Variants in DLGAP4 observed in about 807,000 individuals in gnomAD.
DLGAP4 encodes the protein DLG associated protein 4.
In DLGAP4, 18 loss-of-function variants were observed where a neutral mutation model predicts 86.9. The observed-to-expected ratio is 0.21, with a 90% CI of 0.14 to 0.31. The LOEUF (loss-of-function observed/expected upper bound fraction) is 0.31. DLGAP4 is among the 10% of genes least tolerant of loss of function. The pLI is 1.00. For synonymous variants in DLGAP4, 548 were observed against 574.3 expected (o/e 0.95, Z 0.65); for missense variants, 1,085 against 1,362.6 (o/e 0.80, Z 3.21).
chr20:36,454,616 A>G (rs796376900), intron 7 of DLGAP4, among the ~76,000 whole-genome samples: 14 of 152,236 alleles, frequency 9.2e-5, no homozygotes, highest in African/African-American at 3.4e-4. Flanking sequence ...ACTCCTCAGC[A>G]TCTGTCTCCA....
At chr20:36,358,419 G>A (rs6072001) in intron 1 of DLGAP4, among the ~76,000 whole-genome samples, 31,543 of 152,194 alleles carry the variant, frequency 0.21, 4,268 homozygotes, top group Non-Finnish European at 0.31. Context: ...ACAGGGACAA[G>A]CATGTTGGGC....
intron 5 of DLGAP4, 56 bp from the exon 6 acceptor site, chr20:36,442,671 C>G: frequency 6.3e-7 from 1 of 1,599,068 alleles, no homozygotes; most frequent in Non-Finnish European, 8.6e-7. Context: ...CCCTGAATCC[C>G]CCACCCCAGC....
intron 7 of DLGAP4, among the ~76,000 whole-genome samples, chr20:36,469,845 G>C (rs2034583390): frequency 6.6e-6 from 1 of 151,966 alleles, no homozygotes; most frequent in Non-Finnish European, 1.5e-5. Context: ...AAGGCCATCT[G>C]CTCCTTCTCC....
chr20:36,503,161 T>C (rs2036215521), intron 10 of DLGAP4, among the ~76,000 whole-genome samples: 1 of 152,248 alleles, frequency 6.6e-6, no homozygotes, highest in Non-Finnish European at 1.5e-5. Context: ...ATGTTTTTTG[T>C]TGGACTTCCT....
chr20:36,508,750 C>G (rs971195319), intron 10 of DLGAP4: 1 of 152,234 alleles, frequency 6.6e-6, no homozygotes, highest in African/African-American at 2.4e-5. Flanking sequence ...TTCAGCGTTT[C>G]ATCAACACTC....
At chr20:36,511,641 G>A (rs572401532) in intron 10 of DLGAP4, among the ~76,000 whole-genome samples, 4 of 152,132 alleles carry the variant, frequency 2.6e-5, no homozygotes, top group South Asian at 4.2e-4. Flanking sequence ...TTGGAAGGCC[G>A]AGGTAGGCAG....
intron 2 of DLGAP4, among the ~76,000 whole-genome samples, chr20:36,388,075 G>GA (rs1391810036): frequency 1.3e-5 from 2 of 152,208 alleles, no homozygotes; most frequent in African/African-American, 2.4e-5. Context: ...CGAGTGTTAT[G>GA]AAGAAAAACA....
chr20:36,344,693 G>T (rs2029886744), intron 1 of DLGAP4, among the ~76,000 whole-genome samples: 2 of 152,228 alleles, frequency 1.3e-5, no homozygotes, highest in Admixed American at 6.5e-5. Context: ...TGGGAGCCTG[G>T]TTGGGATTTC....
intron 1 of DLGAP4, among the ~76,000 whole-genome samples, chr20:36,346,573 T>TG (rs1403408876): frequency 6.6e-6 from 1 of 152,170 alleles, no homozygotes; most frequent in Non-Finnish European, 1.5e-5. Context: ...GTGTGTGGTG[T>TG]GGGATGAGCT....
chr20:36,447,043 G>T (rs2033610979), intron 7 of DLGAP4, 106 bp downstream of exon 7: 2 of 1,474,492 alleles, frequency 1.4e-6, no homozygotes, highest in South Asian at 1.4e-5. Context: ...TCTGTCTCAG[G>T]CTGGCCCGCA....
chr20:36,385,063 GC>G (rs1322125092), intron 2 of DLGAP4, among the ~76,000 whole-genome samples: 1 of 152,170 alleles, frequency 6.6e-6, no homozygotes, highest in East Asian at 1.9e-4. Flanking sequence ...GGTGTGACCT[GC>G]TGGGGGCATG....
rs2033148843 is a variant in DLGAP4 at position 36,432,242 on chromosome 20, G to A, written c.525G>A (p.Glu175=). The change falls in exon 3 of 13, where the codon GAG becomes GAA. Residue 175 remains glutamate (E), a synonymous_variant. Transcript: ENST00000339266. This position sits in a 1 kb window ranked among gnomAD's most constrained non-coding sequence, Gnocchi z 6.5. ...ATGGCAGCAAGAAGGGTGGCATGGAGGACGGCAAGGGCCGGAGGGCCAAAA... is the reference window on the plus strand; with the variant it reads ...ATGGCAGCAAGAAGGGTGGCATGGAAGACGGCAAGGGCCGGAGGGCCAAAA... ...GGNGSKKGGM[E]DGKGRRAKSK... 1.2e-6 allele frequency: 2 copies of A among 1,613,854 alleles called. No homozygotes were observed. Among genetic ancestry groups the A allele is most frequent in the East Asian group, 4.5e-5 (2 of 44,882 alleles).
rs1040783929 is a variant in DLGAP4 at position 36,475,920 on chromosome 20, C to T, written c.1649-20785C>T. On this transcript the variant is annotated intron_variant, in intron 7 of 12. Transcript: ENST00000339266. The stretch of plus-strand genomic sequence containing the variant: ...TGTCGCCCAGGCTGGAGTGCAGTGG[C>T]GCAGTTTCGGCTCACTGCAACCTTC... Among the ~76,000 whole-genome samples the T allele has an allele frequency of 2.6e-5, 4 of 152,042 alleles. No homozygotes were observed. In the South Asian group the frequency reaches 6.2e-4, roughly 24 times the overall value.
chr20:36,320,187 CCT>C (rs2065153912), intron 1 of DLGAP4, among the ~76,000 whole-genome samples: 1 of 127,880 alleles, frequency 7.8e-6, no homozygotes. Flanking sequence ...CCTCTGTGCC[CCT>C]CTCCCCCGGG....
At chr20:36,473,476 C>G (rs1018834536) in intron 7 of DLGAP4, among the ~76,000 whole-genome samples, 1 of 152,158 alleles carries the variant, frequency 6.6e-6, no homozygotes, top group African/African-American at 2.4e-5. Flanking sequence ...TATCGTAACA[C>G]CCAGTTTGGT....
Position 36,528,145 on chromosome 20 carries a change from T to C in DLGAP4, c.*1114T>C, listed in dbSNP as rs1000246098. The C allele has an allele frequency of 6.6e-6, 1 of 152,198 alleles. No individual in the cohort carries two copies. Among genetic ancestry groups the C allele is most frequent in the Non-Finnish European group, 1.5e-5 (1 of 67,948 alleles). 9.4% of individuals were successfully genotyped at this position (152,198 alleles called of 1,614,324 possible). A position where few individuals can be genotyped will look rare whatever the true frequency, so the allele number is the denominator to read the frequency against. ...TTGTGTGTAAGCAGCCCTTTTTTTT[T>C]TTGGTCTCCACCCCCCTCCCCCCGC... On this transcript the variant is annotated 3_prime_UTR_variant, in exon 13 of 13. Coordinates refer to ENST00000339266, the MANE Select transcript of DLGAP4 (RefSeq NM_001365621.2).
intron 7 of DLGAP4, among the ~76,000 whole-genome samples, chr20:36,459,795 C>T (rs1321907682): frequency 2.6e-5 from 4 of 152,128 alleles, no homozygotes; most frequent in Admixed American, 6.6e-5. Context: ...TTAGTAGAGA[C>T]GGGATTTCTC....
Position 36,431,698 on chromosome 20 carries a change from C to T in DLGAP4, c.-20C>T. The T allele has an allele frequency of 6.4e-7, 1 of 1,565,988 alleles. No homozygotes were observed. The highest frequency in any genetic ancestry group is 1.2e-5 in the South Asian group (1 of 83,986). On this transcript the variant is annotated 5_prime_UTR_variant, in exon 3 of 13. Transcript: ENST00000339266. This position sits in a 1 kb window ranked among gnomAD's most constrained non-coding sequence, Gnocchi z 5.1. ...CGGGCGCCCTGCTAGGGTGAAGGCC[C>T]CTGCCCTCGGCCCGGGATCATGAAA... is the stretch of plus-strand genomic sequence containing the variant.
intron 7 of DLGAP4, among the ~76,000 whole-genome samples, chr20:36,455,526 C>G (rs1310674158): frequency 6.6e-6 from 1 of 152,158 alleles, no homozygotes; most frequent in African/African-American, 2.4e-5. Context: ...CTAGGCTGAC[C>G]TGGGATGGGC....
Sources: allele counts gnomAD v4.1 joint callset (sites outside exome capture counted in the v4.1 genomes callset), GRCh38; gene constraint gnomAD v4.1.1; non-coding constraint Gnocchi (gnomAD v3.1); transcripts MANE v1.5; gene names NCBI Gene and HGNC (gene_info 2026-07-23, HGNC 2026-07-21).